The following ACADSB variants were observed in gnomAD, a reference collection of about 807,000 sequenced individuals.
The protein encoded by ACADSB is short/branched chain specific acyl-CoA dehydrogenase, mitochondrial.
A neutral mutation model predicts 54.1 loss-of-function variants in ACADSB; 40 were observed. The observed-to-expected ratio is 0.74, with a 90% CI of 0.57 to 0.96. The LOEUF is 0.96. Ranked by LOEUF, ACADSB falls within the 40% of genes least tolerant of loss-of-function variation. ACADSB has a pLI of 0.00. For missense variants in ACADSB, 530 were observed against 510.4 expected, an observed-to-expected ratio of 1.04 and a Z score of -0.37; for synonymous variants, 182 against 182.8, an observed-to-expected ratio of 1.00 and a Z score of 0.03.
Position 123,056,543 on chromosome 10 carries a change from C to T in ACADSB, c.*2778C>T, listed in dbSNP as rs1049580215. 3 of 152,574 alleles carry T rather than the reference C, an allele frequency of 2.0e-5. No homozygotes were observed. Among genetic ancestry groups the T allele is most frequent in the African/African-American group, 7.2e-5 (3 of 41,454 alleles). 9.5% of individuals were successfully genotyped at this position (152,574 alleles called of 1,614,324 possible). A position where few individuals can be genotyped will look rare whatever the true frequency, so the allele number is the denominator to read the frequency against. Reference sequence around the variant, plus strand: ...CCAAACCATATCACTGGTGATGCCACTTCTTCAGTATTAGGGATTCTCAGT... The same window carrying T: ...CCAAACCATATCACTGGTGATGCCATTTCTTCAGTATTAGGGATTCTCAGT... On this transcript the variant is annotated 3_prime_UTR_variant, in exon 11 of 11. Transcript: ENST00000358776.
At chr10:123,037,908 T>C in intron 3 of ACADSB, 61 bp downstream of exon 3, 2 of 1,198,406 alleles carry the variant, frequency 1.7e-6, no homozygotes, top group East Asian at 2.3e-5. Context: ...ACTGTAATGA[T>C]AGCATAATGA....
At chr10:123,037,059 C>A (rs74159954) in intron 2 of ACADSB, among the ~76,000 whole-genome samples, 2 of 152,178 alleles carry the variant, frequency 1.3e-5, no homozygotes, top group African/African-American at 2.4e-5. Context: ...TTGCCCCCAG[C>A]GGACATTTAG....
At position 123,034,337 on chromosome 10, in the gene ACADSB, G is replaced by T; in HGVS notation, c.43-19G>T. The T allele has an allele frequency of 6.2e-7, 1 of 1,611,710 alleles. No individual in the cohort carries two copies. ...TGATATTCAAGTACCTTTCTTTCAT[G>T]TGTGTATGTTCCCTACAGCTAAGAA... On this transcript the variant is annotated intron_variant, in intron 1 of 10. Coordinates refer to ENST00000358776, the MANE Select transcript of ACADSB (RefSeq NM_001609.4).
At chr10:123,009,909 AC>A (rs1269676817) in intron 1 of ACADSB, among the ~76,000 whole-genome samples, 5 of 151,350 alleles carry the variant, frequency 3.3e-5, no homozygotes, top group African/African-American at 1.2e-4. Context: ...CCCACTGCTT[AC>A]GTGTGCTTTT....
chr10:123,040,736 G>A (rs1850462348), intron 4 of ACADSB, 64 bp downstream of exon 4: 2 of 1,499,412 alleles, frequency 1.3e-6, no homozygotes, highest in African/African-American at 2.8e-5. Context: ...ATATTTTCAG[G>A]AAAAAAGTAG....
intron 9 of ACADSB, 25 bp downstream of exon 9, chr10:123,051,211 A>T: frequency 1.5e-6 from 2 of 1,358,404 alleles, no homozygotes; most frequent in Non-Finnish European, 1.9e-6. Flanking sequence ...AAAAAAAAAA[A>T]AGGAAAAAGT....
intron 1 of ACADSB, among the ~76,000 whole-genome samples, chr10:123,018,271 T>C (rs1250309050): frequency 1.3e-5 from 2 of 152,188 alleles, no homozygotes; most frequent in African/African-American, 2.4e-5. Context: ...CCACTGGTAA[T>C]TTGGGAAAGA....
At chr10:123,023,761 A>G (rs1173015687) in intron 1 of ACADSB, among the ~76,000 whole-genome samples, 3 of 152,242 alleles carry the variant, frequency 2.0e-5, no homozygotes, top group Admixed American at 6.5e-5. Context: ...AAGCCTGGGT[A>G]CATGCAATTC....
Position 123,055,251 on chromosome 10 carries a change from G to A in ACADSB, c.*1486G>A. The A allele has an allele frequency of 5.1e-6, 1 of 194,868 alleles. No homozygotes were observed. Among genetic ancestry groups the A allele is most frequent in the Non-Finnish European group, 1.0e-5 (1 of 99,320 alleles). 12.1% of individuals were successfully genotyped at this position (194,868 alleles called of 1,614,324 possible). A position where few individuals can be genotyped will look rare whatever the true frequency, so the allele number is the denominator to read the frequency against. On this transcript the variant is annotated 3_prime_UTR_variant, in exon 11 of 11. Transcript: ENST00000358776. ...GGAGGCCTCAGAATCATGGTGGGAG[G>A]CAAAAAGCACTTCTTACATGGCGGC...
At chr10:123,040,359 T>G (rs10569303) in intron 3 of ACADSB, 107 bp from the exon 4 acceptor site, 1 of 17,056 alleles carries the variant, frequency 5.9e-5, no homozygotes, top group Non-Finnish European at 7.7e-5. Flanking sequence ...AAAAAAAAAA[T>G]AATAATAATA....
At chr10:123,026,206 C>G (rs1002872900) in intron 1 of ACADSB, among the ~76,000 whole-genome samples, 1 of 152,114 alleles carries the variant, frequency 6.6e-6, no homozygotes, top group Non-Finnish European at 1.5e-5. Flanking sequence ...AATAGTCCAC[C>G]AAAGTATTAT....
intron 8 of ACADSB, 82 bp from the exon 9 acceptor site, chr10:123,050,967 T>C (rs1432736927): frequency 1.4e-6 from 2 of 1,467,682 alleles, no homozygotes; most frequent in Non-Finnish European, 1.9e-6. Flanking sequence ...CTGTCAGTGT[T>C]GTGTATCTAG....
intron 2 of ACADSB, 62 bp from the exon 3 acceptor site, chr10:123,037,685 A>T: frequency 8.5e-7 from 1 of 1,182,082 alleles, no homozygotes; most frequent in Non-Finnish European, 1.3e-6. Context: ...AAATTTTGTC[A>T]GCAAACTATT....
At position 123,009,083 on chromosome 10, in the gene ACADSB, C is replaced by T. The variant is rs1018536342; in HGVS notation, c.42+12C>T. ...GCGGCAGCAGGCTGGTGAGTGCGTT[C>T]GAGGCTGGCGTCCTGGGGGCCCAGG... On this transcript the variant is annotated intron_variant, in intron 1 of 10. Coordinates refer to ENST00000358776, the MANE Select transcript of ACADSB (RefSeq NM_001609.4). 6.5e-7 allele frequency: 1 copy of T among 1,545,020 alleles called. No homozygotes were observed. Among genetic ancestry groups the T allele is most frequent in the Admixed American group, 2.0e-5 (1 of 50,974 alleles).
intron 7 of ACADSB, among the ~76,000 whole-genome samples, chr10:123,045,128 A>C (rs1251907777): frequency 1.3e-5 from 1 of 75,730 alleles, no homozygotes; most frequent in African/African-American, 5.8e-5. Flanking sequence ...AGTTTTGTAG[A>C]GTGTATATAT....
At chr10:123,034,955 T>C (rs201210380) in intron 2 of ACADSB, among the ~76,000 whole-genome samples, 17 of 149,088 alleles carry the variant, frequency 1.1e-4, no homozygotes, top group East Asian at 3.9e-4. Context: ...TTCTTTTTTT[T>C]CTTTTTTTTT....
intron 1 of ACADSB, among the ~76,000 whole-genome samples, chr10:123,025,345 T>G (rs1850237565): frequency 6.6e-6 from 1 of 151,936 alleles, no homozygotes; most frequent in Admixed American, 6.6e-5. Context: ...GCACGTATAG[T>G]CCCAGCTACT....
At chr10:123,048,270 A>G (rs1274572081) in intron 8 of ACADSB, among the ~76,000 whole-genome samples, 2 of 152,150 alleles carry the variant, frequency 1.3e-5, no homozygotes, top group African/African-American at 4.8e-5. Flanking sequence ...GGCTGTGGAC[A>G]TGCACAGTCA....
At chr10:123,020,451 A>G (rs1328715622) in intron 1 of ACADSB, among the ~76,000 whole-genome samples, 1 of 152,232 alleles carries the variant, frequency 6.6e-6, no homozygotes, top group East Asian at 1.9e-4. Context: ...TCGCTGCACC[A>G]TGATAGGGAT....
Sources: allele counts gnomAD v4.1 joint callset (sites outside exome capture counted in the v4.1 genomes callset), GRCh38; gene constraint gnomAD v4.1.1; transcripts MANE v1.5; gene names NCBI Gene and HGNC (gene_info 2026-07-23, HGNC 2026-07-21).